The following ZNF669 variants were observed in gnomAD, a reference collection of about 807,000 sequenced individuals.
The protein encoded by ZNF669 is zinc finger protein 669.
In ZNF669, 7 loss-of-function variants were observed where a neutral mutation model predicts 11.4. That is an observed-to-expected ratio of 0.62 (90% CI 0.35 to 1.16). The LOEUF is 1.16. Among genes scored for constraint, ZNF669 ranks in the 50% most tolerant of loss-of-function variants. ZNF669 has a pLI of 0.02. For synonymous variants in ZNF669, 153 were observed against 155.8 expected, an observed-to-expected ratio of 0.98 and a Z score of 0.13; for missense variants, 492 against 463.6, an observed-to-expected ratio of 1.06 and a Z score of -0.56.
chr1:247,103,903 C>T (rs1671781827), intron 1 of ZNF669: 1 of 1,552,716 alleles, frequency 6.4e-7, no homozygotes, highest in Non-Finnish European at 8.7e-7. Context: ...CGAGTCGGGG[C>T]TCTCCCGCAT....
rs570038365 is a variant in ZNF669, at chr1:247,100,133, T to C, written c.*241A>G. On this transcript the variant is annotated 3_prime_UTR_variant, in exon 4 of 4. Coordinates refer to ENST00000448299, the MANE Select transcript of ZNF669 (RefSeq NM_001142572.2). ...CCGAGTAACTGGGACCACAGGCGTC[T>C]GCCACCACGCCCAGCTAATTTTTTG... is the stretch of plus-strand genomic sequence containing the variant. 282 of 382,996 alleles carry C rather than the reference T, an allele frequency of 7.4e-4. 1 individual carries two copies. The highest frequency in any genetic ancestry group is 3.0e-3 in the Middle Eastern group (4 of 1,322). 23.7% of individuals were successfully genotyped at this position (382,996 alleles called of 1,614,324 possible). A position where few individuals can be genotyped will look rare whatever the true frequency, so the allele number is the denominator to read the frequency against.
intron 1 of ZNF669, chr1:247,103,902 G>A: frequency 6.4e-7 from 1 of 1,552,836 alleles, no homozygotes; most frequent in Non-Finnish European, 8.7e-7. Context: ...CCGAGTCGGG[G>A]CTCTCCCGCA....
intron 1 of ZNF669, among the ~76,000 whole-genome samples, chr1:247,102,724 A>G (rs924886520): frequency 1.3e-5 from 2 of 152,252 alleles, no homozygotes; most frequent in South Asian, 2.1e-4. Context: ...CTGGTAGACA[A>G]TATTTTATAT....
Position 247,101,101 on chromosome 1 carries a change from T to C in ZNF669, c.410A>G (p.Lys137Arg). 1 of 1,614,124 alleles carries C rather than the reference T, an allele frequency of 6.2e-7. No homozygotes were observed. Among genetic ancestry groups the C allele is most frequent in the Non-Finnish European group, 8.5e-7 (1 of 1,180,028 alleles). Residue 137 changes from lysine (K) to arginine (R), a missense_variant, in exon 4 of 4, where the codon AAA (lysine) becomes AGA (arginine). By Grantham distance (26) the Lys-to-Arg change is conservative (BLOSUM62 2). Transcript: ENST00000448299. ...GAAGAATTTCCCACACTGTTCACATTTATATTGCTTCTCTCCATATGGTTT... is the reference window on the plus strand; with the variant it reads ...GAAGAATTTCCCACACTGTTCACATCTATATTGCTTCTCTCCATATGGTTT... ...GYKPYGEKQY[K>R]CEQCGKFFVS... is the part of the protein sequence containing the mutation.
At chr1:247,103,922 C>A (rs561699755) in intron 1 of ZNF669, 2 of 1,586,090 alleles carry the variant, frequency 1.3e-6, no homozygotes, top group African/African-American at 2.7e-5. Flanking sequence ...ATCACCCTCC[C>A]GTGGTCACCA....
In ZNF669 at chr1:247,104,317, G is replaced by A. The variant is rs1297869148; in HGVS notation, c.-118C>T. The A allele has an allele frequency of 4.5e-6, 6 of 1,329,036 alleles. No individual in the cohort carries two copies. The highest frequency in any genetic ancestry group is 5.9e-6 in the Non-Finnish European group (6 of 1,016,626). The allele number at this position is 1,329,036 out of a possible 1,614,324, so 82.3% of individuals were successfully genotyped here. On this transcript the variant is annotated 5_prime_UTR_variant, in exon 1 of 4. Transcript: ENST00000448299. Reference sequence around the variant, plus strand: ...CCTCCCAGAGCCAAGAACTAGCAGCGGAGACTAACAGGAAGAGCCGGCTCC... The same window carrying A: ...CCTCCCAGAGCCAAGAACTAGCAGCAGAGACTAACAGGAAGAGCCGGCTCC...
Position 247,100,850 on chromosome 1 carries a change from C to G in ZNF669, c.661G>C (p.Glu221Gln). Residue 221 changes from glutamate (E) to glutamine (Q), a missense_variant, in exon 4 of 4, where the codon GAA (glutamate) becomes CAA (glutamine). Transcript: ENST00000448299. ...AATGTTTTCCCACATTCCTTACATT[C>G]GTAGGGTTTCTCTCCAGTGTGAGTT... ...ERTHTGEKPYECKECGKTFRF... is the reference protein window; with the variant it reads ...ERTHTGEKPYQCKECGKTFRF... 6.2e-7 allele frequency: 1 copy of G among 1,614,104 alleles called. No individual in the cohort carries two copies. The highest frequency in any genetic ancestry group is 2.2e-5 in the East Asian group (1 of 44,878).
intron 3 of ZNF669, among the ~76,000 whole-genome samples, 200 bp downstream of exon 3, chr1:247,101,531 A>G (rs1048759997): frequency 6.6e-6 from 1 of 152,152 alleles, no homozygotes; most frequent in African/African-American, 2.4e-5. Context: ...TCATATACAC[A>G]GTTTTGTAGT....
chr1:247,103,729 C>G (rs962112585), intron 1 of ZNF669, among the ~76,000 whole-genome samples: 2 of 151,468 alleles, frequency 1.3e-5, no homozygotes, highest in Admixed American at 1.3e-4. Context: ...GACCCCAAAC[C>G]ACAAACCATG....
chr1:247,103,086 T>C (rs1403107766), intron 1 of ZNF669, among the ~76,000 whole-genome samples: 3 of 152,164 alleles, frequency 2.0e-5, no homozygotes, highest in Non-Finnish European at 2.9e-5. Context: ...AAGAGTTATG[T>C]CTTGCCTAAC....
chr1:247,101,285 C>CT lies in ZNF669; in HGVS notation c.225dup (p.Glu76ArgfsTer16). ...ACAACTTCTCCATACTGACCATCTT[C>CT]TTTACTTTCACACAGTCTCTGTACG... On this transcript the variant is annotated frameshift_variant, in exon 4 of 4. Transcript: ENST00000448299. LOFTEE classifies it low-confidence loss of function (END_TRUNC). The CT allele has an allele frequency of 6.2e-7, 1 of 1,604,854 alleles. No homozygotes were observed. The highest frequency in any genetic ancestry group is 8.5e-7 in the Non-Finnish European group (1 of 1,175,652).
At position 247,100,041 on chromosome 1, in the gene ZNF669, G is replaced by A. The variant is rs1168941875; in HGVS notation, c.*333C>T. ...ACTCTGTCACCCAGGCTGAAGTGCA[G>A]TGGTGCGATCTCGGCTCACTGCAAG... On this transcript the variant is annotated 3_prime_UTR_variant, in exon 4 of 4. Transcript: ENST00000448299. 1 of 214,406 alleles carries A rather than the reference G, an allele frequency of 4.7e-6. No homozygotes were observed. The highest frequency in any genetic ancestry group is 9.4e-6 in the Non-Finnish European group (1 of 106,488). The allele number at this position is 214,406 out of a possible 1,614,324, so 13.3% of individuals were successfully genotyped here.
At position 247,101,780 on chromosome 1, in the gene ZNF669, T is replaced by C. The variant is rs1671729774; in HGVS notation, c.142A>G (p.Lys48Glu). Reference protein sequence around the residue: ...RNLASVGSQWKDQNIEDHFEK... With the variant: ...RNLASVGSQWEDQNIEDHFEK... ...AAGTGATCTTCAATATTCTGGTCTT[T>C]CCATTGGCTTCCTAAAATGCAGACC... The change falls in exon 3 of 4, where the codon AAA (lysine) becomes GAA (glutamate). Residue 48 changes from lysine (K) to glutamate (E), a missense_variant. By Grantham distance (56) the Lys-to-Glu change is moderately conservative (BLOSUM62 1). Transcript: ENST00000448299. The C allele has an allele frequency of 1.9e-6, 3 of 1,613,890 alleles. No individual in the cohort carries two copies. Among genetic ancestry groups the C allele is most frequent in the Non-Finnish European group, 2.5e-6 (3 of 1,179,952 alleles).
chr1:247,101,416 G>A, intron 3 of ZNF669, 97 bp from the exon 4 acceptor site: 1 of 1,394,716 alleles, frequency 7.2e-7, no homozygotes, highest in Non-Finnish European at 9.5e-7. Flanking sequence ...CAATATCAGG[G>A]AAAATGCATT....
chr1:247,101,421 T>C lies in ZNF669; in HGVS notation c.192-102A>G, dbSNP rs1003732572. On this transcript the variant is annotated intron_variant, in intron 3 of 3. Transcript: ENST00000448299. The stretch of plus-strand genomic sequence containing the variant: ...ACACTGCTACCAATATCAGGGAAAA[T>C]GCATTTTTTTTTTTGCCATGACTGA... The C allele has an allele frequency of 9.4e-6, 13 of 1,389,462 alleles. No individual in the cohort carries two copies. The Admixed American group carries it at 1.3e-4, about 14-fold the overall frequency. 86.1% of individuals were successfully genotyped at this position (1,389,462 alleles called of 1,614,324 possible). A position where few individuals can be genotyped will look rare whatever the true frequency, so the allele number is the denominator to read the frequency against.
At chr1:247,103,619 G>C (rs1397786474) in intron 1 of ZNF669, among the ~76,000 whole-genome samples, 1 of 128,978 alleles carries the variant, frequency 7.8e-6, no homozygotes, top group Non-Finnish European at 1.6e-5. Context: ...GCGACAGGGC[G>C]AGATTCCGTC....
chr1:247,100,499 C>T lies in ZNF669; in HGVS notation c.1012G>A (p.Gly338Ser), dbSNP rs202077184. The change falls in exon 4 of 4, where the codon GGT (glycine) becomes AGT (serine). Residue 338 changes from glycine (G) to serine (S), a missense_variant. Gly to Ser is a moderately conservative substitution (Grantham distance 56). Coordinates refer to ENST00000448299, the MANE Select transcript of ZNF669 (RefSeq NM_001142572.2). ...TGACTGGAACGAGTGTAGGCTTTAC[C>T]GCATTTCTTACATTCATAGGGTTTT... ...GEKPYECKKCGKAYTRSSHLT... is the reference protein window; with the variant it reads ...GEKPYECKKCSKAYTRSSHLT... 1.0e-4 allele frequency: 167 copies of T among 1,614,048 alleles called. 1 individual carries two copies. The Middle Eastern group carries it at 5.4e-3, about 52-fold the overall frequency.
intron 3 of ZNF669, among the ~76,000 whole-genome samples, 193 bp from the exon 4 acceptor site, chr1:247,101,512 T>C (rs763611032): frequency 1.5e-4 from 23 of 152,156 alleles, no homozygotes; most frequent in Non-Finnish European, 1.6e-4. Flanking sequence ...ATGACCAAAA[T>C]AGTAATATTC....
intron 1 of ZNF669, 57 bp downstream of exon 1, chr1:247,104,140 A>C: frequency 1.3e-6 from 2 of 1,580,338 alleles, no homozygotes; most frequent in African/African-American, 1.4e-5. Flanking sequence ...GTCGCGCCAC[A>C]GCAGGTTTCA....
Sources: allele counts gnomAD v4.1 joint callset (sites outside exome capture counted in the v4.1 genomes callset), GRCh38; gene constraint gnomAD v4.1.1; transcripts MANE v1.5; gene names NCBI Gene and HGNC (gene_info 2026-07-23, HGNC 2026-07-21).